EYS: variants seen among roughly 807,000 people sequenced by gnomAD.
EYS encodes protein eyes shut homolog.
EYS carries 250 observed loss-of-function variants against 282.1 expected under a neutral mutation model. The observed-to-expected ratio is 0.89, with a 90% CI of 0.80 to 0.98. The LOEUF is 0.98. EYS is among the 50% of genes least tolerant of loss of function. The pLI is 0.00. For synonymous variants in EYS, 1,355 were observed against 1,282.9 expected (o/e 1.06, Z -1.20); for missense variants, 4,016 against 3,709.0 (o/e 1.08, Z -2.15).
At chr6:65,041,649 C>A (rs1343606297) in intron 13 of EYS, among the ~76,000 whole-genome samples, 1 of 151,644 alleles carries the variant, frequency 6.6e-6, no homozygotes, top group Non-Finnish European at 1.5e-5. Flanking sequence ...ATCGTCAACT[C>A]ATCTCTTATT....
At chr6:64,504,124 A>T (rs1017775825) in intron 26 of EYS, among the ~76,000 whole-genome samples, 4 of 152,220 alleles carry the variant, frequency 2.6e-5, no homozygotes, top group Non-Finnish European at 5.9e-5. Flanking sequence ...GTGAGAGGAG[A>T]CTAAAAGAAG....
chr6:65,462,019 T>G (rs2150410241), intron 5 of EYS, among the ~76,000 whole-genome samples: 1 of 152,238 alleles, frequency 6.6e-6, no homozygotes, highest in Admixed American at 6.6e-5. Context: ...AGCAGTTTTA[T>G]TCATAATCAT....
chr6:64,903,695 G>A (rs900137837), intron 16 of EYS, among the ~76,000 whole-genome samples: 5 of 151,920 alleles, frequency 3.3e-5, no homozygotes, highest in East Asian at 1.9e-4. Context: ...AAATTCCCTC[G>A]GTATTTTCTC....
chr6:65,004,036 TA>T (rs888099075), intron 13 of EYS, among the ~76,000 whole-genome samples: 16 of 146,800 alleles, frequency 1.1e-4, no homozygotes, highest in Admixed American at 5.4e-4. Context: ...TATAAATTTA[TA>T]TTTTTTTAGG....
At chr6:64,420,162 A>G (rs886149014) in intron 28 of EYS, among the ~76,000 whole-genome samples, 14 of 152,140 alleles carry the variant, frequency 9.2e-5, no homozygotes, top group African/African-American at 3.4e-4. Context: ...GCTCAACACC[A>G]TGTGGAAACT....
chr6:65,330,554 G>T, intron 11 of EYS: 1 of 983,234 alleles, frequency 1.0e-6, no homozygotes, highest in South Asian at 4.7e-5. Context: ...GTGGTAATAT[G>T]CAGACCTGTT....
chr6:65,313,991 C>T (rs1287412227), intron 11 of EYS, among the ~76,000 whole-genome samples: 1 of 152,172 alleles, frequency 6.6e-6, no homozygotes, highest in Non-Finnish European at 1.5e-5. Context: ...TTATCCACCA[C>T]CCACTCCCCT....
intron 11 of EYS, among the ~76,000 whole-genome samples, chr6:65,300,503 C>A (rs556181012): frequency 1.1e-4 from 17 of 152,122 alleles, no homozygotes; most frequent in African/African-American, 3.9e-4. Context: ...ACATGCATCT[C>A]TTCTTTGTAT....
rs557747690 is a variant in EYS, at chr6:65,234,225, C to G, written c.2023+61638G>C. Among the ~76,000 whole-genome samples, 13 of 152,320 alleles carry G rather than the reference C, an allele frequency of 8.5e-5. No individual in the cohort carries two copies. The South Asian group carries it at 2.7e-3, about 32-fold the overall frequency. ...CTCTCCTGTGGGCAGAACCTCCTGC[C>G]ACAGCATCAGAGCTGGGTGGAGGGA... On this transcript the variant is annotated intron_variant, in intron 12 of 42. Transcript: ENST00000503581.
At chr6:65,377,510 G>C (rs1360762833) in intron 8 of EYS, among the ~76,000 whole-genome samples, 1 of 151,826 alleles carries the variant, frequency 6.6e-6, no homozygotes, top group Non-Finnish European at 1.5e-5. Context: ...CAGAAGACAA[G>C]AAATAAGTAA....
chr6:65,599,941 T>C (rs1765558211), intron 2 of EYS, among the ~76,000 whole-genome samples: 1 of 152,096 alleles, frequency 6.6e-6, no homozygotes. Context: ...GAATTGGTTA[T>C]GTGCTGTTGA....
chr6:64,561,372 A>G (rs1195772874), intron 26 of EYS, among the ~76,000 whole-genome samples: 1 of 152,184 alleles, frequency 6.6e-6, no homozygotes, highest in African/African-American at 2.4e-5. Flanking sequence ...ATAGTAAAAG[A>G]GAAAGTCAAA....
chr6:63,728,487 C>A (rs1207940712), intron 41 of EYS, among the ~76,000 whole-genome samples: 1 of 151,972 alleles, frequency 6.6e-6, no homozygotes, highest in Non-Finnish European at 1.5e-5. Context: ...TTTCCATATA[C>A]CCCTTGTCTC....
At chr6:65,350,259 A>G (rs1204307379) in intron 9 of EYS, among the ~76,000 whole-genome samples, 1 of 151,548 alleles carries the variant, frequency 6.6e-6, no homozygotes, top group Non-Finnish European at 1.5e-5. Context: ...TAAGAAAAAT[A>G]GATTTTGATA....
intron 19 of EYS, among the ~76,000 whole-genome samples, chr6:64,856,333 T>C (rs1766058063): frequency 6.6e-6 from 1 of 151,990 alleles, no homozygotes; most frequent in Non-Finnish European, 1.5e-5. Flanking sequence ...AGGGTCTCAC[T>C]CTCATCACCC....
At position 63,871,520 on chromosome 6, in the gene EYS, G is replaced by A. The variant is rs1003481753; in HGVS notation, c.7056-7162C>T. 3.3e-5 allele frequency among the ~76,000 whole-genome samples: 5 copies of A among 152,028 alleles called. 1 individual carries two copies. Among genetic ancestry groups the A allele is most frequent in the African/African-American group, 1.2e-4 (5 of 41,370 alleles). On this transcript the variant is annotated intron_variant, in intron 35 of 42. Transcript: ENST00000503581. ...TACTAAAAATACAAACAATTAGCTG[G>A]GTGTGGTGGCACATGCCTGTAATTC...
At chr6:64,014,944 C>A (rs551176066) in intron 33 of EYS, among the ~76,000 whole-genome samples, 3 of 152,096 alleles carry the variant, frequency 2.0e-5, no homozygotes, top group Admixed American at 2.0e-4. Context: ...TTGGAGATAA[C>A]CAAGACATGT....
At chr6:64,889,579 C>G (rs543932033) in intron 18 of EYS, among the ~76,000 whole-genome samples, 15 of 151,958 alleles carry the variant, frequency 9.9e-5, no homozygotes, top group Non-Finnish European at 2.1e-4. Flanking sequence ...ATTTCATGGA[C>G]GTTTACTAGT....
intron 2 of EYS, among the ~76,000 whole-genome samples, chr6:65,637,899 G>C (rs577461736): frequency 6.6e-6 from 1 of 152,316 alleles, no homozygotes; most frequent in South Asian, 2.1e-4. Context: ...TGGACAGCAT[G>C]TTGATGGTGG....
Sources: gnomAD v4.1 joint callset for allele counts (sites outside exome capture counted in the v4.1 genomes callset) on GRCh38, gnomAD v4.1.1 for gene constraint, MANE v1.5 for transcripts, NCBI Gene and HGNC (gene_info 2026-07-23, HGNC 2026-07-21) for gene names.